Variants in CMYA5 observed in about 807,000 individuals in gnomAD.
The protein encoded by CMYA5 is cardiomyopathy-associated protein 5.
A neutral mutation model predicts 318.9 loss-of-function variants in CMYA5; 246 were observed. That is an observed-to-expected ratio of 0.77 (90% CI 0.70 to 0.86). CMYA5 has a LOEUF of 0.86. Ranked by LOEUF, CMYA5 falls within the 40% of genes least tolerant of loss-of-function variation. The probability of loss-of-function intolerance (pLI) is 0.00; values close to 1 mark genes in which losing one functional copy is unlikely to be tolerated. For synonymous variants in CMYA5, 1,641 were observed against 1,729.5 expected (o/e 0.95, Z 1.27); for missense variants, 4,589 against 4,678.2 (o/e 0.98, Z 0.56).
intron 1 of CMYA5, among the ~76,000 whole-genome samples, 182 bp from the exon 2 acceptor site, chr5:79,728,733 C>G (rs910869458): frequency 6.6e-6 from 1 of 151,974 alleles, no homozygotes; most frequent in Non-Finnish European, 1.5e-5. Flanking sequence ...TATTGGGTAT[C>G]CTGACTTTGG....
chr5:79,714,335 C>T (rs1019305413), intron 1 of CMYA5, among the ~76,000 whole-genome samples: 28 of 152,118 alleles, frequency 1.8e-4, no homozygotes, highest in African/African-American at 6.5e-4. Context: ...ATTCCAGACC[C>T]TCCTCTCACA....
At position 79,736,972 on chromosome 5, in the gene CMYA5, A is replaced by G; in HGVS notation, c.8207A>G (p.Asn2736Ser). ...VVLSCHDEIE[N>S]HSLSQEGNLV... ...CTTTCTTGTCATGATGAAATAGAGA[A>G]CCACTCTTTGTCTCAGGAAGGAAAT... The change falls in exon 2 of 13, where the codon AAC (asparagine) becomes AGC (serine). Residue 2736 changes from asparagine (N) to serine (S), a missense_variant. Asn to Ser is a conservative substitution (Grantham distance 46). Transcript: ENST00000446378. The G allele has an allele frequency of 6.2e-7, 1 of 1,613,316 alleles. No homozygotes were observed. The highest frequency in any genetic ancestry group is 2.2e-5 in the East Asian group (1 of 44,814).
intron 11 of CMYA5, among the ~76,000 whole-genome samples, chr5:79,791,973 G>T (rs960813243): frequency 2.5e-4 from 38 of 152,062 alleles, no homozygotes; most frequent in African/African-American, 8.2e-4. Context: ...GGAAACACAG[G>T]CTGCTGATGG....
At chr5:79,772,266 C>T (rs109894) in intron 9 of CMYA5, among the ~76,000 whole-genome samples, 70,736 of 152,036 alleles carry the variant, frequency 0.47, 19,341 homozygotes, top group African/African-American at 0.76. Flanking sequence ...TATTAGGGGC[C>T]GGCTAAGCAA....
At chr5:79,694,170 T>C (rs1827024759) in intron 1 of CMYA5, among the ~76,000 whole-genome samples, 1 of 152,194 alleles carries the variant, frequency 6.6e-6, no homozygotes, top group Non-Finnish European at 1.5e-5. Context: ...GTAAGGACTA[T>C]GAATTTTATT....
rs1828453041 is a variant in CMYA5 at position 79,752,719 on chromosome 5, C to A, written c.11035C>A (p.Pro3679Thr). ...GAGCACTGCTTCTTTAGAGAAAATG[C>A]CTGCTGCGTTTTCCCTTTTCGAACA... Reference protein sequence around the residue: ...MESTASLEKMPAAFSLFEHYD... With the variant: ...MESTASLEKMTAAFSLFEHYD... Residue 3679 changes from proline (P) to threonine (T), a missense_variant, in exon 6 of 13, where the codon CCT becomes ACT. Around this residue, in one of 3 missense-constraint regions of CMYA5, gnomAD observed 2,431 missense variants for 2,495.1 expected, o/e 0.97. Coordinates refer to ENST00000446378, the MANE Select transcript of CMYA5 (RefSeq NM_153610.5). 1 of 1,613,542 alleles carries A rather than the reference C, an allele frequency of 6.2e-7. No individual in the cohort carries two copies. Among genetic ancestry groups the A allele is most frequent in the East Asian group, 2.2e-5 (1 of 44,846 alleles).
chr5:79,761,100 A>G (rs1828642219), intron 7 of CMYA5, among the ~76,000 whole-genome samples: 1 of 152,246 alleles, frequency 6.6e-6, no homozygotes. Flanking sequence ...TTCAGTGAGA[A>G]TAATCAAATT....
At chr5:79,726,909 ATTTTTTTT>A (rs34198193) in intron 1 of CMYA5, among the ~76,000 whole-genome samples, 1 of 96,038 alleles carries the variant, frequency 1.0e-5, no homozygotes, top group African/African-American at 5.2e-5. Context: ...TAGGCCAGTG[ATTTTTTTT>A]TTTTTTTTTT....
chr5:79,718,397 A>G (rs941825304), intron 1 of CMYA5, among the ~76,000 whole-genome samples: 1 of 152,162 alleles, frequency 6.6e-6, no homozygotes. Context: ...ATGGCTTAAA[A>G]TATATCTTTC....
Position 79,730,555 on chromosome 5 carries a change from A to G in CMYA5, c.1790A>G (p.Glu597Gly). ...TCTACTGGTTCTGCTTTTGTATCAGAGTATTCAGTACCACAGGATTTGAAC... is the reference window on the plus strand; with the variant it reads ...TCTACTGGTTCTGCTTTTGTATCAGGGTATTCAGTACCACAGGATTTGAAC... ...SVSTGSAFVS[E>G]YSVPQDLNHE... The change falls in exon 2 of 13, where the codon GAG (glutamate) becomes GGG (glycine). Residue 597 changes from glutamate (E) to glycine (G), a missense_variant. Glu to Gly is a moderately conservative substitution (Grantham distance 98, BLOSUM62 -2). Transcript: ENST00000446378. 1 of 1,614,028 alleles carries G rather than the reference A, an allele frequency of 6.2e-7. No individual in the cohort carries two copies. Among genetic ancestry groups the G allele is most frequent in the South Asian group, 1.1e-5 (1 of 91,080 alleles).
At chr5:79,791,826 A>G (rs1829185961) in intron 11 of CMYA5, among the ~76,000 whole-genome samples, 1 of 152,200 alleles carries the variant, frequency 6.6e-6, no homozygotes, top group Non-Finnish European at 1.5e-5. Flanking sequence ...AGCATCAAAG[A>G]AAAGAAGAGG....
chr5:79,703,962 C>T (rs374605943), intron 1 of CMYA5, among the ~76,000 whole-genome samples: 35 of 152,060 alleles, frequency 2.3e-4, no homozygotes, highest in African/African-American at 7.5e-4. Context: ...CATCGTGATG[C>T]GCACCTGTAG....
intron 9 of CMYA5, among the ~76,000 whole-genome samples, chr5:79,764,454 C>T (rs1016949612): frequency 2.0e-5 from 3 of 152,126 alleles, no homozygotes; most frequent in Non-Finnish European, 4.4e-5. Flanking sequence ...AATAAACATA[C>T]GTGTGCATGT....
At position 79,729,625 on chromosome 5, in the gene CMYA5, TA is replaced by T; in HGVS notation, c.861del (p.Val288Ter). On this transcript the variant is annotated frameshift_variant, in exon 2 of 13. Coordinates refer to ENST00000446378, the MANE Select transcript of CMYA5 (RefSeq NM_153610.5). LOFTEE classifies it high-confidence loss of function. ...GSNTVSKTRK[L>X]VAQSIEDKVK... ...AATACAGTGTCCAAAACACGCAAAT[TA>T]GTAGCCCAAAGCATAGAGGATAAAG... 2 of 1,613,824 alleles carry T rather than the reference TA, an allele frequency of 1.2e-6. No individual in the cohort carries two copies. The highest frequency in any genetic ancestry group is 2.7e-5 in the African/African-American group (2 of 75,032).
rs1374268484 is a variant in CMYA5, at chr5:79,734,769, A to G, written c.6004A>G (p.Arg2002Gly). ...KSLVLAGNVE[R>G]NIAEGKEIHS... Reference sequence around the variant, plus strand: ...TTTAGTCCTAGCTGGAAATGTAGAGAGAAACATAGCAGAGGGGAAGGAGAT... The same window carrying G: ...TTTAGTCCTAGCTGGAAATGTAGAGGGAAACATAGCAGAGGGGAAGGAGAT... Residue 2002 changes from arginine to glycine, a missense_variant, in exon 2 of 13, where the codon AGA (arginine) becomes GGA (glycine). This residue lies in a region of CMYA5 where 2,431 missense variants were observed against 2,495.1 expected (regional missense o/e 0.97). Transcript: ENST00000446378. 1.2e-6 allele frequency: 2 copies of G among 1,613,872 alleles called. No homozygotes were observed. Among genetic ancestry groups the G allele is most frequent in the South Asian group, 2.2e-5 (2 of 91,086 alleles).
chr5:79,722,681 A>C (rs1237478364), intron 1 of CMYA5, among the ~76,000 whole-genome samples: 1 of 150,622 alleles, frequency 6.6e-6, no homozygotes, highest in African/African-American at 2.5e-5. Context: ...TGTCTCAAAA[A>C]AAAAAAAAAA....
intron 9 of CMYA5, among the ~76,000 whole-genome samples, chr5:79,764,221 A>G (rs1312577510): frequency 6.6e-6 from 1 of 150,782 alleles, no homozygotes; most frequent in African/African-American, 2.4e-5. Context: ...CTCATTGTTC[A>G]ACTCCCACTT....
At chr5:79,790,259 A>G (rs1229097539) in intron 10 of CMYA5, among the ~76,000 whole-genome samples, 2 of 149,778 alleles carry the variant, frequency 1.3e-5, no homozygotes, top group African/African-American at 4.9e-5. Context: ...TTTAGGTTAT[A>G]TCGGTGCATC....
intron 1 of CMYA5, among the ~76,000 whole-genome samples, chr5:79,715,046 A>T (rs1426068599): frequency 6.6e-6 from 1 of 152,154 alleles, no homozygotes; most frequent in East Asian, 1.9e-4. Flanking sequence ...ATGTAGATTA[A>T]TTTTTTATAA....
Sources: allele counts gnomAD v4.1 joint callset (sites outside exome capture counted in the v4.1 genomes callset), GRCh38; gene constraint gnomAD v4.1.1; regional missense constraint gnomAD v4.1.1; transcripts MANE v1.5; gene names NCBI Gene and HGNC (gene_info 2026-07-23, HGNC 2026-07-21).